Variants in SIN3B observed in about 807,000 individuals in gnomAD.
SIN3B encodes paired amphipathic helix protein Sin3b.
In SIN3B, 19 loss-of-function variants were observed where a neutral mutation model predicts 120.2. That is an observed-to-expected ratio of 0.16 (90% confidence interval 0.11 to 0.23). The LOEUF (loss-of-function observed/expected upper bound fraction) is 0.23. SIN3B is among the 10% of genes least tolerant of loss of function. The pLI is 1.00. For missense variants in SIN3B, 1,073 were observed against 1,573.0 expected (o/e 0.68, Z 5.38); for synonymous variants, 654 against 653.2 (o/e 1.00, Z -0.02).
chr19:16,832,061 C>T (rs554718528), intron 3 of SIN3B, among the ~76,000 whole-genome samples: 2 of 152,166 alleles, frequency 1.3e-5, no homozygotes, highest in Admixed American at 6.5e-5. Context: ...ATAAAGTGGT[C>T]GAGATGGTGT....
At chr19:16,869,394 A>C (rs1381488113) in intron 12 of SIN3B, 66 bp from the exon 13 acceptor site, 1 of 1,502,854 alleles carries the variant, frequency 6.7e-7, no homozygotes, top group African/African-American at 1.4e-5. Flanking sequence ...CGAGTCGTGA[A>C]TGGGCACTGG....
rs56055685 is a variant in SIN3B, at chr19:16,855,370, T to TCCCC, written c.1058+1121_1058+1124dup. 7.4e-4 allele frequency: 39 copies of TCCCC among 52,950 alleles called. 6 individuals carry two copies. Among genetic ancestry groups the TCCCC allele is most frequent in the African/African-American group, 1.3e-3 (14 of 11,046 alleles). The allele number at this position is 52,950 out of a possible 1,614,324, so 3.3% of individuals were successfully genotyped here. A position where few individuals can be genotyped will look rare whatever the true frequency, so the allele number is the denominator to read the frequency against. On this transcript the variant is annotated intron_variant, in intron 8 of 18. Coordinates refer to ENST00000248054, the MANE Select transcript of SIN3B (RefSeq NM_001297595.2). ...AGGAGGAACCCTCTGGGAGAAACCTTCCCCCCCCCCCCCCCAGCAAAATTC... is the reference window on the plus strand; with the variant it reads ...AGGAGGAACCCTCTGGGAGAAACCTTCCCCCCCCCCCCCCCCCCCAGCAAAATTC...
chr19:16,831,068 T>C (rs1019536017), intron 2 of SIN3B, among the ~76,000 whole-genome samples: 1 of 151,818 alleles, frequency 6.6e-6, no homozygotes, highest in African/African-American at 2.4e-5. Context: ...GGGGCACTTT[T>C]TTTTTTTTTT....
At chr19:16,866,937 A>G (rs912631791) in intron 12 of SIN3B, among the ~76,000 whole-genome samples, 4 of 152,074 alleles carry the variant, frequency 2.6e-5, no homozygotes, top group African/African-American at 9.7e-5. Context: ...TTATATTTTT[A>G]GTAGAGATGG....
At position 16,862,250 on chromosome 19, in the gene SIN3B, CTG is replaced by C. The variant is rs1971698631; in HGVS notation, c.1059-100_1059-99del. On this transcript the variant is annotated intron_variant, in intron 8 of 18. Transcript: ENST00000248054. This position sits in a 1 kb window ranked among gnomAD's most constrained non-coding sequence, Gnocchi z 4.7. Reference sequence around the variant, plus strand: ...GCATCCATGATGTTGAATTCTGACTCTGTTTAACTTGTAATGTCCACATGAAG... The same window carrying C: ...GCATCCATGATGTTGAATTCTGACTCTTTAACTTGTAATGTCCACATGAAG... 1 of 880,448 alleles carries C rather than the reference CTG, an allele frequency of 1.1e-6. No individual in the cohort carries two copies. The highest frequency in any genetic ancestry group is 1.8e-6 in the Non-Finnish European group (1 of 559,412). The allele number at this position is 880,448 out of a possible 1,614,324, so 54.5% of individuals were successfully genotyped here.
chr19:16,841,319 G>A (rs564453180), intron 3 of SIN3B, among the ~76,000 whole-genome samples: 1 of 152,172 alleles, frequency 6.6e-6, no homozygotes, highest in East Asian at 1.9e-4. Flanking sequence ...CTAACCTCCA[G>A]GGTCCCCATC....
At chr19:16,849,590 C>G (rs1971519215) in intron 5 of SIN3B, among the ~76,000 whole-genome samples, 1 of 152,124 alleles carries the variant, frequency 6.6e-6, no homozygotes, top group Non-Finnish European at 1.5e-5. Flanking sequence ...CTTTGGGGGT[C>G]CATCTAGCTC....
chr19:16,852,526 C>T (rs990055309), intron 6 of SIN3B, among the ~76,000 whole-genome samples: 4 of 152,216 alleles, frequency 2.6e-5, no homozygotes, highest in East Asian at 3.8e-4. Flanking sequence ...GGATTACAGG[C>T]GTGAGTCCCT....
At chr19:16,840,768 G>A (rs138035932) in intron 3 of SIN3B, among the ~76,000 whole-genome samples, 1 of 152,302 alleles carries the variant, frequency 6.6e-6, no homozygotes, top group South Asian at 2.1e-4. Flanking sequence ...ACTGTTCTGG[G>A]CACTGGGGAT....
chr19:16,859,026 G>A (rs753487987), intron 8 of SIN3B, among the ~76,000 whole-genome samples: 5 of 152,110 alleles, frequency 3.3e-5, no homozygotes, highest in African/African-American at 4.8e-5. Flanking sequence ...AAGTGGTGGC[G>A]TGTACCTGTA....
intron 17 of SIN3B, 98 bp from the exon 18 acceptor site, chr19:16,878,085 A>G: frequency 9.6e-7 from 1 of 1,040,076 alleles, no homozygotes. Context: ...GAGGTAGCAC[A>G]TCTTCTGATG....
chr19:16,829,735 C>T (rs891141863), intron 1 of SIN3B, 56 bp from the exon 2 acceptor site: 2 of 1,489,686 alleles, frequency 1.3e-6, no homozygotes, highest in Admixed American at 1.7e-5. Flanking sequence ...GGACCCCGGC[C>T]CCTCGTCCCC....
intron 6 of SIN3B, among the ~76,000 whole-genome samples, chr19:16,852,575 T>C (rs1971559575): frequency 6.6e-6 from 1 of 152,218 alleles, no homozygotes; most frequent in African/African-American, 2.4e-5. Context: ...ACTTTGGAGA[T>C]AGTTCTGGAT....
intron 2 of SIN3B, among the ~76,000 whole-genome samples, chr19:16,830,884 A>C (rs1207966989): frequency 6.6e-6 from 1 of 152,184 alleles, no homozygotes; most frequent in Non-Finnish European, 1.5e-5. Flanking sequence ...CATTTCTTGG[A>C]GTCCAGGCCT....
chr19:16,865,400 C>T lies in SIN3B; in HGVS notation c.1384-10C>T. On this transcript the variant is annotated splice_polypyrimidine_tract_variant and intron_variant, in intron 10 of 18. Coordinates refer to ENST00000248054, the MANE Select transcript of SIN3B (RefSeq NM_001297595.2). ...CAGTGGCTGACCCCGTCCTGCCTTC[C>T]TTTCCATAGTTAGACGTTGTCCTGG... 1 of 1,584,664 alleles carries T rather than the reference C, an allele frequency of 6.3e-7. No homozygotes were observed. The highest frequency in any genetic ancestry group is 8.6e-7 in the Non-Finnish European group (1 of 1,156,140).
intron 5 of SIN3B, among the ~76,000 whole-genome samples, chr19:16,849,291 G>A (rs564226951): frequency 6.6e-6 from 1 of 152,208 alleles, no homozygotes; most frequent in Non-Finnish European, 1.5e-5. Flanking sequence ...CACAGGCTTT[G>A]CAGGCCAGTT....
intron 3 of SIN3B, among the ~76,000 whole-genome samples, chr19:16,841,402 AT>A (rs1405159067): frequency 6.6e-6 from 1 of 152,142 alleles, no homozygotes; most frequent in Non-Finnish European, 1.5e-5. Context: ...GCTGAAACAG[AT>A]TGCAGGAGGC....
At chr19:16,842,552 G>A (rs1568414317) in intron 4 of SIN3B, among the ~76,000 whole-genome samples, 1 of 152,036 alleles carries the variant, frequency 6.6e-6, no homozygotes, top group African/African-American at 2.4e-5. Flanking sequence ...GAGTACAGGT[G>A]TGTGTCACCA....
In SIN3B at chr19:16,871,222, T is replaced by C. The variant is rs2051506114; in HGVS notation, c.2423-7T>C. 1 of 1,614,040 alleles carries C rather than the reference T, an allele frequency of 6.2e-7. No homozygotes were observed. The highest frequency in any genetic ancestry group is 2.2e-5 in the East Asian group (1 of 44,888). ...AGGCATATGGATGAGGCGGTGTGTC[T>C]CCGCAGGTGAAGTGGAGCTGGAGGA... On this transcript the variant is annotated splice_polypyrimidine_tract_variant and splice_region_variant and intron_variant, in intron 13 of 18. Coordinates refer to ENST00000248054, the MANE Select transcript of SIN3B (RefSeq NM_001297595.2).
Sources: gnomAD v4.1 joint callset for allele counts (sites outside exome capture counted in the v4.1 genomes callset) on GRCh38, gnomAD v4.1.1 for gene constraint, Gnocchi (gnomAD v3.1) non-coding constraint, MANE v1.5 for transcripts, NCBI Gene and HGNC (gene_info 2026-07-23, HGNC 2026-07-21) for gene names.